The following FNIP2 variants were observed in gnomAD, a reference collection of about 807,000 sequenced individuals.
The protein encoded by FNIP2 is folliculin interacting protein 2.
FNIP2 carries 32 observed loss-of-function variants against 108.7 expected under a neutral mutation model. That is an observed-to-expected ratio of 0.29 (90% CI 0.22 to 0.40). FNIP2 has a LOEUF of 0.40. FNIP2 is among the 10% of genes least tolerant of loss of function. The pLI, the probability that FNIP2 is intolerant of heterozygous loss-of-function variation, is 1.00. For missense variants in FNIP2, 1,202 were observed against 1,381.6 expected, an observed-to-expected ratio of 0.87 and a Z score of 2.06; for synonymous variants, 480 against 496.7, an observed-to-expected ratio of 0.97 and a Z score of 0.45.
chr4:158,873,850 G>A (rs532214574), intron 14 of FNIP2, among the ~76,000 whole-genome samples: 1 of 152,098 alleles, frequency 6.6e-6, no homozygotes, highest in Admixed American at 6.5e-5. Flanking sequence ...GCCACATCTT[G>A]TGCATTCTTT....
intron 16 of FNIP2, among the ~76,000 whole-genome samples, 200 bp from the exon 17 acceptor site, chr4:158,904,266 C>T (rs1177223567): frequency 1.3e-5 from 2 of 152,152 alleles, no homozygotes; most frequent in Non-Finnish European, 2.9e-5. Context: ...CCTTTGCCTC[C>T]CTGGTCAGTG....
intron 14 of FNIP2, chr4:158,871,380 G>A: frequency 3.0e-6 from 3 of 985,282 alleles, no homozygotes; most frequent in Non-Finnish European, 3.6e-6. Context: ...AATTTGGCCT[G>A]TTACCTACCT....
intron 16 of FNIP2, among the ~76,000 whole-genome samples, chr4:158,899,994 A>C (rs1213392959): frequency 6.6e-6 from 1 of 152,160 alleles, no homozygotes; most frequent in Admixed American, 6.5e-5. Flanking sequence ...AGTGCTATAA[A>C]TTTCCCTCTA....
intron 16 of FNIP2, among the ~76,000 whole-genome samples, chr4:158,896,841 G>GTTTT (rs57097896): frequency 6.9e-6 from 1 of 144,848 alleles, no homozygotes; most frequent in Non-Finnish European, 1.5e-5. Flanking sequence ...TGCCTTATTA[G>GTTTT]TTTTTTTTTT....
intron 1 of FNIP2, among the ~76,000 whole-genome samples, chr4:158,781,619 A>G (rs1427658466): frequency 2.6e-5 from 4 of 152,064 alleles, no homozygotes; most frequent in Non-Finnish European, 5.9e-5. Context: ...GGTTCAGGTG[A>G]TTCTCCTGCT....
At chr4:158,833,718 T>C in intron 6 of FNIP2, 90 bp downstream of exon 6, 1 of 1,472,670 alleles carries the variant, frequency 6.8e-7, no homozygotes, top group Non-Finnish European at 9.4e-7. Flanking sequence ...CGTGGGTTTT[T>C]TTTTTTGCGT....
chr4:158,839,237 G>T (rs1778981606), intron 7 of FNIP2, among the ~76,000 whole-genome samples: 1 of 152,110 alleles, frequency 6.6e-6, no homozygotes, highest in African/African-American at 2.4e-5. Context: ...AAATTATTTG[G>T]ACTTCTCCTG....
At chr4:158,792,620 G>C (rs1042019721) in intron 1 of FNIP2, among the ~76,000 whole-genome samples, 1 of 152,142 alleles carries the variant, frequency 6.6e-6, no homozygotes. Flanking sequence ...ATAAACCAAG[G>C]TATGTATTAA....
chr4:158,830,900 T>C (rs1001472370), intron 3 of FNIP2, among the ~76,000 whole-genome samples: 1 of 152,194 alleles, frequency 6.6e-6, no homozygotes, highest in African/African-American at 2.4e-5. Flanking sequence ...CAGATGTCAC[T>C]AGGTGAATGA....
At chr4:158,850,491 T>C (rs895849294) in intron 7 of FNIP2, among the ~76,000 whole-genome samples, 17 of 151,492 alleles carry the variant, frequency 1.1e-4, no homozygotes, top group African/African-American at 3.9e-4. Flanking sequence ...TGTCAGCTCA[T>C]ACTTCCTGAG....
At chr4:158,834,299 T>TCTCTCTCTCTCG (rs2126597209) in intron 6 of FNIP2, 1 of 144,726 alleles carries the variant, frequency 6.9e-6, no homozygotes. Context: ...TCTCTCTCTC[T>TCTCTCTCTCTCG]CTCTCTCTCT....
At chr4:158,903,170 G>T (rs1216272174) in intron 16 of FNIP2, among the ~76,000 whole-genome samples, 1 of 152,196 alleles carries the variant, frequency 6.6e-6, no homozygotes, top group African/African-American at 2.4e-5. Flanking sequence ...TGGGAAAAGT[G>T]CAGTATCCAG....
chr4:158,803,952 GT>G (rs1261940846), intron 1 of FNIP2, among the ~76,000 whole-genome samples: 1 of 152,088 alleles, frequency 6.6e-6, no homozygotes, highest in East Asian at 1.9e-4. Flanking sequence ...GTTTTGTTTT[GT>G]TTTTAGGTGG....
At chr4:158,813,939 T>G (rs1363998037) in intron 1 of FNIP2, among the ~76,000 whole-genome samples, 1 of 152,250 alleles carries the variant, frequency 6.6e-6, no homozygotes, top group Non-Finnish European at 1.5e-5. Flanking sequence ...AAGACTGTCT[T>G]TGCTCCATTG....
chr4:158,891,505 A>G lies in FNIP2; in HGVS notation c.3009A>G (p.Lys1003=). The G allele has an allele frequency of 3.7e-6, 6 of 1,609,982 alleles. No homozygotes were observed. The African/African-American group carries it at 5.3e-5, about 14-fold the overall frequency. ...EAVCIIADTD[K]WSVQVATSQR... ...TCTGTATTATCGCAGACACGGATAA[A>G]TGGAGTGTGCAGGTAGCTACAAGTC... Residue 1003 remains lysine (K), a synonymous_variant, in exon 15 of 17, where the codon AAA becomes AAG. Transcript: ENST00000264433.
intron 14 of FNIP2, chr4:158,872,130 A>G (rs1780986893): frequency 1.0e-6 from 1 of 985,324 alleles, no homozygotes; most frequent in Non-Finnish European, 1.2e-6. Context: ...CAGGGGAACT[A>G]ATGGGATTGT....
chr4:158,896,958 C>T (rs1460231884), intron 16 of FNIP2, among the ~76,000 whole-genome samples: 1 of 152,044 alleles, frequency 6.6e-6, no homozygotes, highest in Non-Finnish European at 1.5e-5. Flanking sequence ...AACCCGTCAT[C>T]TACATTAGGT....
intron 1 of FNIP2, among the ~76,000 whole-genome samples, chr4:158,815,433 A>G (rs1404737514): frequency 6.9e-6 from 1 of 145,786 alleles, no homozygotes; most frequent in Non-Finnish European, 1.5e-5. Flanking sequence ...CCCAGGCTGG[A>G]ATGCAGTGGC....
rs1729711469 is a variant in FNIP2 at position 158,905,034 on chromosome 4, T to C, written c.*490T>C. On this transcript the variant is annotated 3_prime_UTR_variant, in exon 17 of 17. Transcript: ENST00000264433. The stretch of plus-strand genomic sequence containing the variant: ...AGACTTTGGATTCCAGGTCACAGTT[T>C]GCTTTTTAGACAAGGTAAAGCAAAG... 1 of 153,468 alleles carries C rather than the reference T, an allele frequency of 6.5e-6. No homozygotes were observed. The highest frequency in any genetic ancestry group is 6.4e-5 in the Admixed American group (1 of 15,508). 9.5% of individuals were successfully genotyped at this position (153,468 alleles called of 1,614,324 possible).
Sources: allele counts gnomAD v4.1 joint callset (sites outside exome capture counted in the v4.1 genomes callset), GRCh38; gene constraint gnomAD v4.1.1; transcripts MANE v1.5; gene names NCBI Gene and HGNC (gene_info 2026-07-23, HGNC 2026-07-21).